The following LGR5 variants were observed in gnomAD, a reference collection of about 807,000 sequenced individuals.
LGR5 encodes the protein leucine rich repeat containing G protein-coupled receptor 5.
In LGR5, 54 loss-of-function variants were observed where a neutral mutation model predicts 76.7. The observed-to-expected ratio is 0.70, with a 90% CI of 0.57 to 0.88. The LOEUF (loss-of-function observed/expected upper bound fraction) is 0.88, where lower values mean the gene tolerates loss of function less well. Ranked by LOEUF, LGR5 falls within the 40% of genes least tolerant of loss-of-function variation. The pLI is 0.00. For synonymous variants in LGR5, 406 were observed against 421.9 expected, an observed-to-expected ratio of 0.96 and a Z score of 0.46; for missense variants, 1,078 against 1,073.3, an observed-to-expected ratio of 1.00 and a Z score of -0.06.
chr12:71,527,397 T>A (rs981881821), intron 3 of LGR5, among the ~76,000 whole-genome samples: 15 of 152,128 alleles, frequency 9.9e-5, no homozygotes, highest in Non-Finnish European at 2.1e-4. Flanking sequence ...GGTGCTGACA[T>A]CTGGTGAGGG....
chr12:71,583,053 G>A (rs1382403563), intron 17 of LGR5, among the ~76,000 whole-genome samples: 1 of 151,392 alleles, frequency 6.6e-6, no homozygotes, highest in Admixed American at 6.6e-5. Context: ...GAGATGGGAA[G>A]GGAGGGGAGG....
chr12:71,571,734 G>A (rs1878619661), intron 12 of LGR5, among the ~76,000 whole-genome samples, 155 bp downstream of exon 12: 1 of 152,210 alleles, frequency 6.6e-6, no homozygotes, highest in African/African-American at 2.4e-5. Context: ...AGTGTGCTTA[G>A]AAAGTTGAGA....
At chr12:71,474,809 A>G (rs1873256438) in intron 1 of LGR5, among the ~76,000 whole-genome samples, 2 of 152,208 alleles carry the variant, frequency 1.3e-5, no homozygotes, top group South Asian at 4.1e-4. Context: ...AGTCTGATAA[A>G]AAGTGAATTA....
intron 1 of LGR5, among the ~76,000 whole-genome samples, chr12:71,455,988 G>T (rs1025604938): frequency 1.3e-5 from 2 of 152,046 alleles, no homozygotes; most frequent in South Asian, 4.1e-4. Flanking sequence ...TTTGTAAATT[G>T]TAAGCATAAA....
intron 5 of LGR5, among the ~76,000 whole-genome samples, chr12:71,555,568 C>T (rs1877716740): frequency 6.6e-6 from 1 of 152,200 alleles, no homozygotes; most frequent in South Asian, 2.1e-4. Context: ...TTGACCTGTG[C>T]TCCCGCCCTG....
intron 8 of LGR5, among the ~76,000 whole-genome samples, chr12:71,564,740 CTG>C (rs1371138478): frequency 1.4e-4 from 3 of 21,562 alleles, no homozygotes; most frequent in African/African-American, 2.2e-4. Flanking sequence ...TGTACACACA[CTG>C]TATATATATA....
chr12:71,457,974 T>C (rs1159067017), intron 1 of LGR5, among the ~76,000 whole-genome samples: 1 of 152,136 alleles, frequency 6.6e-6, no homozygotes, highest in Non-Finnish European at 1.5e-5. Context: ...CACAGCCTGG[T>C]TCATGGTTTT....
intron 1 of LGR5, among the ~76,000 whole-genome samples, chr12:71,497,433 A>C (rs1458764718): frequency 3.9e-5 from 6 of 152,192 alleles, no homozygotes; most frequent in Non-Finnish European, 7.3e-5. Flanking sequence ...CCGGCCGGAC[A>C]CAGAATTTAT....
chr12:71,501,519 T>G (rs1375680213), intron 1 of LGR5, among the ~76,000 whole-genome samples: 1 of 152,138 alleles, frequency 6.6e-6, no homozygotes, highest in Non-Finnish European at 1.5e-5. Flanking sequence ...ATGAGCAGGC[T>G]AAAAGTAATT....
chr12:71,461,655 T>C (rs1872688744), intron 1 of LGR5, among the ~76,000 whole-genome samples: 1 of 152,142 alleles, frequency 6.6e-6, no homozygotes, highest in Non-Finnish European at 1.5e-5. Context: ...TTCCCCTCTC[T>C]ACCAACATTC....
At chr12:71,572,484 G>T (rs12812625) in intron 12 of LGR5, among the ~76,000 whole-genome samples, 4 of 151,834 alleles carry the variant, frequency 2.6e-5, no homozygotes, top group Admixed American at 2.6e-4. Context: ...GGTGCTTAAG[G>T]GAAAAAAACA....
At chr12:71,508,295 G>A (rs958653537) in intron 2 of LGR5, among the ~76,000 whole-genome samples, 7 of 151,954 alleles carry the variant, frequency 4.6e-5, no homozygotes, top group East Asian at 3.9e-4. Flanking sequence ...TCTAATTACC[G>A]GATATATCAT....
chr12:71,577,926 A>G lies in LGR5; in HGVS notation c.1210A>G (p.Asn404Asp). Reference protein sequence around the residue: ...FQQLLSLRSLNLAWNKIAIIH... With the variant: ...FQQLLSLRSLDLAWNKIAIIH... Reference sequence around the variant, plus strand: ...CTCATTTGCCTTTTTTTACAATAGGAATTTGGCTTGGAACAAAATTGCTAT... The same window carrying G: ...CTCATTTGCCTTTTTTTACAATAGGGATTTGGCTTGGAACAAAATTGCTAT... Residue 404 changes from asparagine to aspartate, a missense_variant and splice_region_variant, in exon 14 of 18, where the codon AAT (asparagine) becomes GAT (aspartate). Physicochemically the swap from Asn to Asp is conservative, Grantham distance 23 (BLOSUM62 1). Coordinates refer to ENST00000266674, the MANE Select transcript of LGR5 (RefSeq NM_003667.4). The G allele has an allele frequency of 6.2e-7, 1 of 1,610,372 alleles. No homozygotes were observed. The highest frequency in any genetic ancestry group is 8.5e-7 in the Non-Finnish European group (1 of 1,176,798).
intron 1 of LGR5, among the ~76,000 whole-genome samples, chr12:71,471,112 T>C (rs1347093382): frequency 6.6e-6 from 1 of 152,260 alleles, no homozygotes; most frequent in Non-Finnish European, 1.5e-5. Flanking sequence ...AAATTCTTTT[T>C]ATCAGGAAGG....
At chr12:71,476,381 G>A (rs977295840) in intron 1 of LGR5, among the ~76,000 whole-genome samples, 5 of 152,136 alleles carry the variant, frequency 3.3e-5, no homozygotes, top group Non-Finnish European at 5.9e-5. Flanking sequence ...TCTCCCCAAT[G>A]TGTGTCTACT....
chr12:71,529,535 C>T (rs1876193753), intron 3 of LGR5, among the ~76,000 whole-genome samples: 1 of 152,180 alleles, frequency 6.6e-6, no homozygotes, highest in Non-Finnish European at 1.5e-5. Flanking sequence ...CAAAGCCAAA[C>T]CATATCAGTG....
At chr12:71,466,419 T>C (rs2137235225) in intron 1 of LGR5, among the ~76,000 whole-genome samples, 1 of 152,280 alleles carries the variant, frequency 6.6e-6, no homozygotes, top group South Asian at 2.1e-4. Flanking sequence ...TGGTAAAATA[T>C]TAGATGGTGT....
intron 7 of LGR5, among the ~76,000 whole-genome samples, chr12:71,559,922 A>T (rs1464447006): frequency 2.6e-5 from 4 of 152,204 alleles, no homozygotes; most frequent in African/African-American, 9.6e-5. Context: ...TTTCTAAGCC[A>T]TACATACTCT....
chr12:71,499,089 A>G lies in LGR5; in HGVS notation c.213-5525A>G, dbSNP rs551259509. On this transcript the variant is annotated intron_variant, in intron 1 of 17. Transcript: ENST00000266674. ...TGGTAGCACTCAGTATCCTGGGATA[A>G]TAACAGAGAAGATAAAGGAATCATG... is the stretch of plus-strand genomic sequence containing the variant. 6.6e-5 allele frequency among the ~76,000 whole-genome samples: 10 copies of G among 152,340 alleles called. No homozygotes were observed. The South Asian group carries it at 2.1e-3, about 32-fold the overall frequency.
Sources: allele counts gnomAD v4.1 joint callset (sites outside exome capture counted in the v4.1 genomes callset), GRCh38; gene constraint gnomAD v4.1.1; transcripts MANE v1.5; gene names NCBI Gene and HGNC (gene_info 2026-07-23, HGNC 2026-07-21).